SEMA3A: variants seen among roughly 807,000 people sequenced by gnomAD.
SEMA3A encodes the protein semaphorin-3A.
Under a neutral mutation model 97.9 loss-of-function variants are expected in SEMA3A, and 29 were observed. That is an observed-to-expected ratio of 0.30 (90% CI 0.22 to 0.40). The LOEUF is 0.40. Ranked by LOEUF, SEMA3A falls within the 10% of genes least tolerant of loss-of-function variation. The probability of loss-of-function intolerance (pLI) is 1.00; values close to 1 mark genes in which losing one functional copy is unlikely to be tolerated. For missense variants in SEMA3A, 763 were observed against 951.3 expected (o/e 0.80, Z 2.60); for synonymous variants, 321 against 323.7 (o/e 0.99, Z 0.09).
rs577188624 is a variant in SEMA3A at position 84,138,952 on chromosome 7, C to A, written c.113-4001G>T. 4.3e-3 allele frequency among the ~76,000 whole-genome samples: 651 copies of A among 152,092 alleles called. 7 individuals carry two copies. Among genetic ancestry groups the A allele is most frequent in the African/African-American group, 0.015 (620 of 41,540 alleles). Reference sequence around the variant, plus strand: ...TTTTTCCAAATCTAGTTCTCAGATTCTTCAGTATTCTGTTTTCCTTAGTTA... The same window carrying A: ...TTTTTCCAAATCTAGTTCTCAGATTATTCAGTATTCTGTTTTCCTTAGTTA... On this transcript the variant is annotated intron_variant, in intron 1 of 16. Coordinates refer to ENST00000265362, the MANE Select transcript of SEMA3A (RefSeq NM_006080.3).
At chr7:84,324,927 G>T in intron 2 of SEMA3A, among the ~76,000 whole-genome samples, 1 of 151,944 alleles carries the variant, frequency 6.6e-6, no homozygotes, top group African/African-American at 2.4e-5. Context: ...ACTATAATTC[G>T]GTAGATGCAA....
intron 2 of SEMA3A, among the ~76,000 whole-genome samples, chr7:84,346,449 G>A (rs973476042): frequency 6.6e-6 from 1 of 152,104 alleles, no homozygotes; most frequent in Non-Finnish European, 1.5e-5. Flanking sequence ...ATTATTTATA[G>A]CTTTTTATTT....
intron 15 of SEMA3A, among the ~76,000 whole-genome samples, chr7:83,967,618 A>C (rs1430896411): frequency 6.6e-6 from 1 of 151,928 alleles, no homozygotes; most frequent in Non-Finnish European, 1.5e-5. Flanking sequence ...AGTGGGGCAT[A>C]ATGGCGGGTA....
At chr7:84,165,390 T>C (rs545077857) in intron 1 of SEMA3A, among the ~76,000 whole-genome samples, 2 of 152,278 alleles carry the variant, frequency 1.3e-5, no homozygotes, top group East Asian at 1.9e-4. Flanking sequence ...TATGTAATTA[T>C]ATGGGGCATT....
chr7:84,079,664 C>T (rs1273933703), intron 4 of SEMA3A, among the ~76,000 whole-genome samples: 6 of 141,246 alleles, frequency 4.2e-5, no homozygotes, highest in Admixed American at 1.4e-4. Flanking sequence ...TACCATCTCA[C>T]ACCAGTTAGA....
At chr7:84,154,441 G>A (rs973227796) in intron 1 of SEMA3A, among the ~76,000 whole-genome samples, 20 of 151,998 alleles carry the variant, frequency 1.3e-4, no homozygotes, top group Non-Finnish European at 2.2e-4. Context: ...AATTTGGAAG[G>A]CCCAGGCAAG....
At chr7:84,323,793 T>C (rs1234654956) in intron 2 of SEMA3A, among the ~76,000 whole-genome samples, 1 of 152,218 alleles carries the variant, frequency 6.6e-6, no homozygotes, top group East Asian at 1.9e-4. Flanking sequence ...CTAAGAATTT[T>C]ATTTTTTAAT....
chr7:84,293,242 C>T (rs145496027), intron 3 of SEMA3A, among the ~76,000 whole-genome samples: 7 of 152,116 alleles, frequency 4.6e-5, no homozygotes, highest in African/African-American at 1.7e-4. Context: ...TTATCCGTAC[C>T]CTATGCCATG....
At chr7:84,096,748 T>C (rs1462007676) in intron 4 of SEMA3A, among the ~76,000 whole-genome samples, 1 of 152,130 alleles carries the variant, frequency 6.6e-6, no homozygotes, top group East Asian at 1.9e-4. Context: ...TGATTGCCTC[T>C]GATGCACCTT....
intron 1 of SEMA3A, among the ~76,000 whole-genome samples, chr7:84,158,148 CTTT>C (rs1187182577): frequency 1.3e-4 from 11 of 82,294 alleles, no homozygotes; most frequent in South Asian, 5.0e-4. Flanking sequence ...ACAGCTAATT[CTTT>C]TTTTTTTTTT....
chr7:84,299,881 A>G (rs1214607552), intron 3 of SEMA3A, among the ~76,000 whole-genome samples: 1 of 69,772 alleles, frequency 1.4e-5, no homozygotes, highest in Non-Finnish European at 2.7e-5. Flanking sequence ...AATACAAAAA[A>G]ATTAACCAGG....
chr7:84,058,955 G>A (rs1366209034), intron 5 of SEMA3A, among the ~76,000 whole-genome samples: 4 of 152,076 alleles, frequency 2.6e-5, no homozygotes, highest in East Asian at 3.9e-4. Context: ...CTTTCTCAGC[G>A]GAATATTAAA....
chr7:84,475,842 C>T (rs773438906), intron 1 of SEMA3A, among the ~76,000 whole-genome samples: 20 of 152,120 alleles, frequency 1.3e-4, no homozygotes, highest in Non-Finnish European at 2.6e-4. Context: ...TTGCAGTTCT[C>T]CCTAAAATGT....
intron 4 of SEMA3A, among the ~76,000 whole-genome samples, chr7:84,077,840 G>GA (rs1367857468): frequency 4.0e-5 from 6 of 151,240 alleles, no homozygotes; most frequent in East Asian, 3.9e-4. Flanking sequence ...GAAAAGAAAA[G>GA]AAAAAAAATC....
intron 1 of SEMA3A, among the ~76,000 whole-genome samples, chr7:84,376,830 A>AT (rs923647243): frequency 6.6e-6 from 1 of 151,174 alleles, no homozygotes; most frequent in African/African-American, 2.4e-5. Context: ...TTATTTGCAT[A>AT]TTTTTAATCA....
At chr7:84,255,099 C>T (rs1357516435) in intron 3 of SEMA3A, among the ~76,000 whole-genome samples, 2 of 152,022 alleles carry the variant, frequency 1.3e-5, no homozygotes, top group Non-Finnish European at 2.9e-5. Flanking sequence ...GTGAAGCACT[C>T]GGGGACATTA....
chr7:84,151,063 G>C (rs1796644896), intron 1 of SEMA3A, among the ~76,000 whole-genome samples: 1 of 149,924 alleles, frequency 6.7e-6, no homozygotes, highest in African/African-American at 2.4e-5. Context: ...CAAACAGAAA[G>C]GACATCCACA....
chr7:84,279,713 C>T (rs1800390661), intron 3 of SEMA3A, among the ~76,000 whole-genome samples: 1 of 152,054 alleles, frequency 6.6e-6, no homozygotes, highest in South Asian at 2.1e-4. Flanking sequence ...ATAAAGCCAA[C>T]AAAAGGTTTT....
intron 4 of SEMA3A, among the ~76,000 whole-genome samples, chr7:84,077,222 C>T (rs57039805): frequency 0.12 from 18,045 of 152,042 alleles, 1,158 homozygotes; most frequent in South Asian, 0.15. Flanking sequence ...AGTAATAGAA[C>T]AATTGACTTG....
Sources: gnomAD v4.1 joint callset for allele counts (sites outside exome capture counted in the v4.1 genomes callset) on GRCh38, gnomAD v4.1.1 for gene constraint, MANE v1.5 for transcripts, NCBI Gene and HGNC (gene_info 2026-07-23, HGNC 2026-07-21) for gene names.